The following BMP2K variants were observed in gnomAD, a reference collection of about 807,000 sequenced individuals.
BMP2K encodes BMP2 inducible kinase.
Under a neutral mutation model 116.0 loss-of-function variants are expected in BMP2K, and 74 were observed. The observed-to-expected ratio is 0.64, with a 90% CI of 0.53 to 0.77. The LOEUF is 0.77. Among genes scored for constraint, BMP2K ranks in the 30% least tolerant of loss-of-function variants. BMP2K has a pLI of 0.00. For missense variants in BMP2K, 1,365 were observed against 1,403.6 expected (o/e 0.97, Z 0.44); for synonymous variants, 486 against 502.5 (o/e 0.97, Z 0.44).
At chr4:78,811,769 C>T (rs192145765) in intron 1 of BMP2K, among the ~76,000 whole-genome samples, 1 of 152,080 alleles carries the variant, frequency 6.6e-6, no homozygotes, top group African/African-American at 2.4e-5. Flanking sequence ...AGACATTTCT[C>T]TCGGCCAATT....
At chr4:78,803,260 T>G (rs1193007001) in intron 1 of BMP2K, among the ~76,000 whole-genome samples, 1 of 152,212 alleles carries the variant, frequency 6.6e-6, no homozygotes, top group Admixed American at 6.5e-5. Flanking sequence ...CCTTTTTTGG[T>G]AACTTCTTTA....
At chr4:78,878,696 T>A in intron 13 of BMP2K, 38 bp from the exon 14 acceptor site, 5 of 1,495,810 alleles carry the variant, frequency 3.3e-6, no homozygotes, top group Non-Finnish European at 4.5e-6. Flanking sequence ...TTAATTTTTC[T>A]TTCCATCTTC....
intron 7 of BMP2K, among the ~76,000 whole-genome samples, chr4:78,854,317 A>G (rs1731399364): frequency 6.6e-6 from 1 of 151,800 alleles, no homozygotes. Context: ...TCTGTTGTCC[A>G]GGTTGGAGAG....
chr4:78,834,263 ATT>A (rs561686382), intron 3 of BMP2K, among the ~76,000 whole-genome samples: 4 of 141,774 alleles, frequency 2.8e-5, no homozygotes, highest in Non-Finnish European at 3.1e-5. Context: ...TGACATTTAA[ATT>A]TTTTTTTTTT....
intron 3 of BMP2K, 145 bp downstream of exon 3, chr4:78,833,832 G>A: frequency 1.7e-6 from 1 of 599,732 alleles, no homozygotes; most frequent in African/African-American, 1.9e-5. Context: ...TAGGAATATT[G>A]TTAAAACATT....
intron 2 of BMP2K, among the ~76,000 whole-genome samples, chr4:78,828,145 A>C (rs1184257712): frequency 6.6e-6 from 1 of 152,236 alleles, no homozygotes; most frequent in Non-Finnish European, 1.5e-5. Context: ...AGAAGATGGA[A>C]GAGCAGACTT....
chr4:78,800,840 T>C (rs1008028687), intron 1 of BMP2K, among the ~76,000 whole-genome samples: 20 of 152,198 alleles, frequency 1.3e-4, no homozygotes, highest in Non-Finnish European at 4.4e-5. Context: ...ATTACATTTA[T>C]TAAGTATCAA....
intron 3 of BMP2K, among the ~76,000 whole-genome samples, chr4:78,841,921 T>C (rs577647720): frequency 1.6e-4 from 25 of 152,130 alleles, no homozygotes; most frequent in Admixed American, 1.2e-3. Flanking sequence ...TCCTTCACAG[T>C]TTAAATTTAG....
rs111644652 is a variant in BMP2K, at chr4:78,861,784, A to G, written c.1067+316A>G. 2.5e-3 allele frequency among the ~76,000 whole-genome samples: 382 copies of G among 152,040 alleles called. 1 individual carries two copies. The highest frequency in any genetic ancestry group is 4.2e-3 in the Non-Finnish European group (287 of 67,900). ...TAGCAACTCTAGTTTAGGAAATACT[A>G]TGTTTTGAGTTTATAGATGTTTATT... On this transcript the variant is annotated intron_variant, in intron 9 of 15. Transcript: ENST00000502613.
intron 15 of BMP2K, among the ~76,000 whole-genome samples, chr4:78,893,175 C>T (rs1022214034): frequency 6.6e-6 from 1 of 152,180 alleles, no homozygotes; most frequent in East Asian, 1.9e-4. Flanking sequence ...CAGCAGTGTT[C>T]ACAGCATCTT....
Position 78,871,860 on chromosome 4 carries a change from C to G in BMP2K, c.1520C>G (p.Ala507Gly). Residue 507 changes from alanine to glycine, a missense_variant, in exon 12 of 16, where the codon GCA becomes GGA. Physicochemically the swap from Ala to Gly is moderately conservative, Grantham distance 60 (BLOSUM62 0). Coordinates refer to ENST00000502613, the MANE Select transcript of BMP2K (RefSeq NM_198892.2). ...QDAYMQQYQHATQQQQMLQQQ... is the reference protein window; with the variant it reads ...QDAYMQQYQHGTQQQQMLQQQ... ...ATTTTCTCGTTGTAGTATCAACATG[C>G]AACACAGCAGCAACAGATGCTTCAA... 6.2e-7 allele frequency: 1 copy of G among 1,610,518 alleles called. No individual in the cohort carries two copies. Among genetic ancestry groups the G allele is most frequent in the Non-Finnish European group, 8.5e-7 (1 of 1,178,260 alleles).
chr4:78,799,857 T>G (rs1233319387), intron 1 of BMP2K, among the ~76,000 whole-genome samples: 1 of 152,190 alleles, frequency 6.6e-6, no homozygotes, highest in Non-Finnish European at 1.5e-5. Flanking sequence ...TAGACTTCAT[T>G]TACCCAGTGG....
At chr4:78,833,432 C>A in intron 2 of BMP2K, 150 bp from the exon 3 acceptor site, 1 of 469,242 alleles carries the variant, frequency 2.1e-6, no homozygotes, top group East Asian at 3.6e-5. Context: ...ACCATAGAAG[C>A]CTTTGCTTGC....
At chr4:78,795,782 G>GA (rs1728231104) in intron 1 of BMP2K, among the ~76,000 whole-genome samples, 1 of 152,100 alleles carries the variant, frequency 6.6e-6, no homozygotes, top group Admixed American at 6.5e-5. Flanking sequence ...AAAAACACAT[G>GA]AAAAAATACT....
At chr4:78,831,428 A>G (rs1040358799) in intron 2 of BMP2K, among the ~76,000 whole-genome samples, 1 of 152,242 alleles carries the variant, frequency 6.6e-6, no homozygotes, top group African/African-American at 2.4e-5. Flanking sequence ...TTTGTGTAAA[A>G]TGCAGTATCT....
intron 1 of BMP2K, among the ~76,000 whole-genome samples, chr4:78,792,843 T>A (rs539032411): frequency 1.3e-4 from 20 of 152,344 alleles, no homozygotes; most frequent in Admixed American, 7.8e-4. Flanking sequence ...TTATCATGTT[T>A]TGCTACAATA....
Position 78,776,729 on chromosome 4 carries a change from C to CG in BMP2K, c.178+9dup, listed in dbSNP as rs1382615267. ...AAGAGTCGCTGGCCGAAGGTACGGG[C>CG]GCCCGGGGAGGCTCGGACAGGCAGG... On this transcript the variant is annotated intron_variant, in intron 1 of 15. Transcript: ENST00000502613. 1 of 1,264,626 alleles carries CG rather than the reference C, an allele frequency of 7.9e-7. No homozygotes were observed. Among genetic ancestry groups the CG allele is most frequent in the Non-Finnish European group, 1.0e-6 (1 of 1,001,200 alleles). The allele number at this position is 1,264,626 out of a possible 1,614,324, so 78.3% of individuals were successfully genotyped here.
rs990254507 is a variant in BMP2K at position 78,879,395 on chromosome 4, C to T, written c.1951+504C>T. The T allele has an allele frequency of 2.3e-5, 23 of 985,810 alleles. No homozygotes were observed. In the Admixed American group the frequency reaches 3.1e-4, roughly 13 times the overall value. The allele number at this position is 985,810 out of a possible 1,614,324, so 61.1% of individuals were successfully genotyped here. A position where few individuals can be genotyped will look rare whatever the true frequency, so the allele number is the denominator to read the frequency against. On this transcript the variant is annotated intron_variant, in intron 14 of 15. Coordinates refer to ENST00000502613, the MANE Select transcript of BMP2K (RefSeq NM_198892.2). ...GACATAAAAGGGCTGCTTTGTTGTC[C>T]TGATATGGCAAAAATTAAATAAATT... is the stretch of plus-strand genomic sequence containing the variant.
At chr4:78,891,882 C>G (rs958883832) in intron 15 of BMP2K, among the ~76,000 whole-genome samples, 1 of 152,122 alleles carries the variant, frequency 6.6e-6, no homozygotes, top group Non-Finnish European at 1.5e-5. Context: ...ATACAGATTA[C>G]TGAGTCTAAA....
Sources: allele counts gnomAD v4.1 joint callset (sites outside exome capture counted in the v4.1 genomes callset), GRCh38; gene constraint gnomAD v4.1.1; transcripts MANE v1.5; gene names NCBI Gene and HGNC (gene_info 2026-07-23, HGNC 2026-07-21).